LAPTM5: variants seen among roughly 807,000 people sequenced by gnomAD.
The protein encoded by LAPTM5 is lysosomal protein transmembrane 5.
LAPTM5 carries 11 observed loss-of-function variants against 30.1 expected under a neutral mutation model. That is an observed-to-expected ratio of 0.37 (90% CI 0.23 to 0.60). The LOEUF is 0.60. Among genes scored for constraint, LAPTM5 ranks in the 20% least tolerant of loss-of-function variants. The pLI, the probability that LAPTM5 is intolerant of heterozygous loss-of-function variation, is 0.71. For missense variants in LAPTM5, 324 were observed against 332.5 expected (o/e 0.97, Z 0.20); for synonymous variants, 151 against 137.9 (o/e 1.10, Z -0.67).
intron 1 of LAPTM5, among the ~76,000 whole-genome samples, chr1:30,756,408 C>A (rs924957610): frequency 6.6e-6 from 1 of 152,186 alleles, no homozygotes; most frequent in South Asian, 2.1e-4. Context: ...GTGCGTCAGG[C>A]GTGGTTCTGC....
chr1:30,740,686 C>A (rs1639957657), intron 3 of LAPTM5, among the ~76,000 whole-genome samples: 1 of 152,128 alleles, frequency 6.6e-6, no homozygotes. Flanking sequence ...TCTTCAGGGA[C>A]CACCTGCTCC....
intron 1 of LAPTM5, among the ~76,000 whole-genome samples, chr1:30,754,527 C>T (rs559483278): frequency 1.3e-5 from 2 of 152,174 alleles, no homozygotes; most frequent in African/African-American, 4.8e-5. Context: ...CAGAGCAAGA[C>T]CCCATCTCTT....
In LAPTM5 at chr1:30,742,484, C is replaced by T. The variant is rs1639984733; in HGVS notation, c.153G>A (p.Lys51=). Reference sequence around the variant, plus strand: ...TCCTGAGGTAGCCCATCTGGGAGAGCTTGCAGGACGCCTTGCCATGGGCCA... The same window carrying T: ...TCCTGAGGTAGCCCATCTGGGAGAGTTTGCAGGACGCCTTGCCATGGGCCA... ...VEVAHGKASC[K]LSQMGYLRIA... is the part of the protein sequence containing the mutation. The change falls in exon 2 of 8, where the codon AAG becomes AAA. Residue 51 remains lysine, a synonymous_variant. Coordinates refer to ENST00000294507, the MANE Select transcript of LAPTM5 (RefSeq NM_006762.3). 6.2e-7 allele frequency: 1 copy of T among 1,613,676 alleles called. No homozygotes were observed. The highest frequency in any genetic ancestry group is 1.1e-5 in the South Asian group (1 of 91,012).
At chr1:30,740,692 GCTCCATTT>G (rs1639957787) in intron 3 of LAPTM5, among the ~76,000 whole-genome samples, 1 of 152,142 alleles carries the variant, frequency 6.6e-6, no homozygotes, top group African/African-American at 2.4e-5. Context: ...GGGACCACCT[GCTCCATTT>G]CTCCATTTCT....
Position 30,733,591 on chromosome 1 carries a change from A to G in LAPTM5, c.*237T>C. 1 of 1,523,804 alleles carries G rather than the reference A, an allele frequency of 6.6e-7. No homozygotes were observed. Among genetic ancestry groups the G allele is most frequent in the Non-Finnish European group, 8.8e-7 (1 of 1,139,592 alleles). 94.4% of individuals were successfully genotyped at this position (1,523,804 alleles called of 1,614,324 possible). A position where few individuals can be genotyped will look rare whatever the true frequency, so the allele number is the denominator to read the frequency against. On this transcript the variant is annotated 3_prime_UTR_variant, in exon 8 of 8. Coordinates refer to ENST00000294507, the MANE Select transcript of LAPTM5 (RefSeq NM_006762.3). Reference sequence around the variant, plus strand: ...CAGAGCTGATTGAAATAAACCAAGCATTGTTGGGCTGAATTATGGAGAGAC... The same window carrying G: ...CAGAGCTGATTGAAATAAACCAAGCGTTGTTGGGCTGAATTATGGAGAGAC...
At chr1:30,755,206 C>T (rs1640193466) in intron 1 of LAPTM5, among the ~76,000 whole-genome samples, 1 of 151,690 alleles carries the variant, frequency 6.6e-6, no homozygotes. Flanking sequence ...GAGATTGGGC[C>T]CCATAACTAG....
At position 30,746,481 on chromosome 1, in the gene LAPTM5, C is replaced by G. The variant is rs766132496; in HGVS notation, c.88-3932G>C. 6.6e-6 allele frequency among the ~76,000 whole-genome samples: 1 copy of G among 152,212 alleles called. No homozygotes were observed. The highest frequency in any genetic ancestry group is 1.5e-5 in the Non-Finnish European group (1 of 68,034). Reference sequence around the variant, plus strand: ...AGCCCTTGCCTTCCCCTCATGTCCCCGGTTTCCACCTGGACACAGCGCTGC... The same window carrying G: ...AGCCCTTGCCTTCCCCTCATGTCCCGGGTTTCCACCTGGACACAGCGCTGC... On this transcript the variant is annotated intron_variant, in intron 1 of 7. Coordinates refer to ENST00000294507, the MANE Select transcript of LAPTM5 (RefSeq NM_006762.3). This position sits in a 1 kb window ranked among gnomAD's most constrained non-coding sequence, Gnocchi z 4.0.
In LAPTM5 at chr1:30,742,560, A is replaced by G; in HGVS notation, c.88-11T>C. The G allele has an allele frequency of 6.2e-7, 1 of 1,609,524 alleles. No homozygotes were observed. Among genetic ancestry groups the G allele is most frequent in the Non-Finnish European group, 8.5e-7 (1 of 1,177,414 alleles). ...CAAGACGCTCATGATCTGGAGGCAA[A>G]GCAAAGCATCAGTCAGCTGAGCCTG... On this transcript the variant is annotated splice_polypyrimidine_tract_variant and intron_variant, in intron 1 of 7. Coordinates refer to ENST00000294507, the MANE Select transcript of LAPTM5 (RefSeq NM_006762.3).
In LAPTM5 at chr1:30,746,597, TG is replaced by T. The variant is rs1171651267; in HGVS notation, c.88-4049del. ...GTACAAGGCTTCTCTCCCCCAACAATGCGCAGGCAGACAGCATGCCCTCACC... is the reference window on the plus strand; with the variant it reads ...GTACAAGGCTTCTCTCCCCCAACAATCGCAGGCAGACAGCATGCCCTCACC... On this transcript the variant is annotated intron_variant, in intron 1 of 7. Coordinates refer to ENST00000294507, the MANE Select transcript of LAPTM5 (RefSeq NM_006762.3). The surrounding 1 kb of genome is among the most constrained non-coding windows in gnomAD (Gnocchi z 4.0). Among the ~76,000 whole-genome samples the T allele has an allele frequency of 3.9e-5, 6 of 152,098 alleles. No homozygotes were observed. The highest frequency in any genetic ancestry group is 8.8e-5 in the Non-Finnish European group (6 of 68,004).
rs371790554 is a variant in LAPTM5 at position 30,735,251 on chromosome 1, C to T, written c.621G>A (p.Lys207=). The T allele has an allele frequency of 1.1e-5, 17 of 1,613,928 alleles. No homozygotes were observed. Among genetic ancestry groups the T allele is most frequent in the Non-Finnish European group, 1.4e-5 (17 of 1,180,004 alleles). The part of the protein sequence containing the change: ...TVLIFKVYMF[K]CVWRCYRLIK... Reference sequence around the variant, plus strand: ...TCAATCTGTAGCACCGCCACACGCACTTGAACATGTAGACCTGGAAAAAGG... The same window carrying T: ...TCAATCTGTAGCACCGCCACACGCATTTGAACATGTAGACCTGGAAAAAGG... The change falls in exon 7 of 8, where the codon AAG becomes AAA. Residue 207 remains lysine, a synonymous_variant. Transcript: ENST00000294507.
In LAPTM5 at chr1:30,746,403, A is replaced by G. The variant is rs894525547; in HGVS notation, c.88-3854T>C. On this transcript the variant is annotated intron_variant, in intron 1 of 7. Coordinates refer to ENST00000294507, the MANE Select transcript of LAPTM5 (RefSeq NM_006762.3). This position sits in a 1 kb window ranked among gnomAD's most constrained non-coding sequence, Gnocchi z 4.0. ...CAACAGCTGTTGGTAGTTCCTGGAA[A>G]GTACCTGGCCGACCTACAGAGTATG... 2.6e-5 allele frequency among the ~76,000 whole-genome samples: 4 copies of G among 152,116 alleles called. No homozygotes were observed. Among genetic ancestry groups the G allele is most frequent in the African/African-American group, 9.7e-5 (4 of 41,408 alleles).
chr1:30,749,017 G>A (rs1640089980), intron 1 of LAPTM5, among the ~76,000 whole-genome samples: 1 of 152,230 alleles, frequency 6.6e-6, no homozygotes, highest in Admixed American at 6.5e-5. Flanking sequence ...CAGCACAGGT[G>A]CCTGTGTGTG....
At chr1:30,756,031 C>A (rs1410244228) in intron 1 of LAPTM5, among the ~76,000 whole-genome samples, 1 of 152,236 alleles carries the variant, frequency 6.6e-6, no homozygotes, top group Non-Finnish European at 1.5e-5. Flanking sequence ...GTCAACATCA[C>A]CTTACCCCTG....
intron 1 of LAPTM5, among the ~76,000 whole-genome samples, chr1:30,755,220 C>T (rs1003129703): frequency 4.0e-5 from 6 of 151,718 alleles, no homozygotes; most frequent in Non-Finnish European, 7.4e-5. Flanking sequence ...TAACTAGAGA[C>T]ATTTTTGGTT....
intron 1 of LAPTM5, among the ~76,000 whole-genome samples, chr1:30,749,552 C>G (rs1316704473): frequency 6.6e-6 from 1 of 152,150 alleles, no homozygotes; most frequent in East Asian, 1.9e-4. Context: ...TCCACGGGAT[C>G]ATGAAGATGA....
At chr1:30,755,108 G>A (rs540240101) in intron 1 of LAPTM5, among the ~76,000 whole-genome samples, 3 of 152,128 alleles carry the variant, frequency 2.0e-5, no homozygotes, top group Non-Finnish European at 4.4e-5. Context: ...TGGGCCGAGC[G>A]CACAGCTTCC....
chr1:30,744,322 C>A (rs1640014009), intron 1 of LAPTM5, among the ~76,000 whole-genome samples: 1 of 152,132 alleles, frequency 6.6e-6, no homozygotes, highest in Non-Finnish European at 1.5e-5. Flanking sequence ...CCCTAAAGGC[C>A]AGGCCGCAGC....
intron 6 of LAPTM5, among the ~76,000 whole-genome samples, chr1:30,736,064 G>A (rs1172786595): frequency 6.6e-6 from 1 of 152,154 alleles, no homozygotes; most frequent in Admixed American, 6.5e-5. Context: ...AGGGGAGCTG[G>A]GGGACGGAGC....
intron 1 of LAPTM5, among the ~76,000 whole-genome samples, chr1:30,743,495 G>A (rs1439257638): frequency 6.6e-6 from 1 of 152,144 alleles, no homozygotes; most frequent in Non-Finnish European, 1.5e-5. Flanking sequence ...CCATAAACCT[G>A]TGCCATGCAG....
Sources: gnomAD v4.1 joint callset for allele counts (sites outside exome capture counted in the v4.1 genomes callset) on GRCh38, gnomAD v4.1.1 for gene constraint, Gnocchi (gnomAD v3.1) non-coding constraint, MANE v1.5 for transcripts, NCBI Gene and HGNC (gene_info 2026-07-23, HGNC 2026-07-21) for gene names.